CNTNAP5: variants seen among roughly 807,000 people sequenced by gnomAD.
CNTNAP5 encodes contactin-associated protein-like 5.
In CNTNAP5, 72 loss-of-function variants were observed where a neutral mutation model predicts 150.2. The ratio of observed to expected loss-of-function variants is 0.48; its 90% confidence interval spans 0.40 to 0.58. The LOEUF (loss-of-function observed/expected upper bound fraction) is 0.58. Ranked by LOEUF, CNTNAP5 falls within the 20% of genes least tolerant of loss-of-function variation. The probability of loss-of-function intolerance (pLI) is 0.00; values close to 1 mark genes in which losing one functional copy is unlikely to be tolerated. For synonymous variants in CNTNAP5, 672 were observed against 619.8 expected (o/e 1.08, Z -1.25); for missense variants, 1,636 against 1,626.2 (o/e 1.01, Z -0.10).
At chr2:124,162,293 T>C (rs987629759) in intron 1 of CNTNAP5, among the ~76,000 whole-genome samples, 4 of 152,214 alleles carry the variant, frequency 2.6e-5, no homozygotes, top group Non-Finnish European at 4.4e-5. Flanking sequence ...ATTTAATTTA[T>C]GACAGAGATT....
chr2:124,294,355 GA>G (rs1226227393), intron 3 of CNTNAP5, among the ~76,000 whole-genome samples: 4 of 151,974 alleles, frequency 2.6e-5, no homozygotes, highest in African/African-American at 9.7e-5. Context: ...AGTAAAACAG[GA>G]ATTTTTTTTT....
At chr2:124,706,916 GAGAAGA>G (rs796272013) in intron 13 of CNTNAP5, among the ~76,000 whole-genome samples, 1 of 30,006 alleles carries the variant, frequency 3.3e-5, no homozygotes, top group Non-Finnish European at 7.1e-5. Flanking sequence ...GGAGGAGGAG[GAGAAGA>G]AGAAGAAGAA....
Position 124,395,673 on chromosome 2 carries a change from A to G in CNTNAP5, c.382-21770A>G, listed in dbSNP as rs80089828. On this transcript the variant is annotated intron_variant, in intron 3 of 23. Coordinates refer to ENST00000682447, the MANE Select transcript of CNTNAP5 (RefSeq NM_001367498.1). ...CTTCATGCTAGAACTGTTCTAAGCA[A>G]TATCTAAACACTATGTCCATGTATA... Among the ~76,000 whole-genome samples the G allele has an allele frequency of 6.5e-3, 988 of 152,232 alleles. 10 individuals are homozygous for G. Among genetic ancestry groups the G allele is most frequent in the African/African-American group, 0.023 (945 of 41,536 alleles).
At chr2:124,827,333 A>G (rs908977373) in intron 19 of CNTNAP5, among the ~76,000 whole-genome samples, 1 of 152,104 alleles carries the variant, frequency 6.6e-6, no homozygotes, top group African/African-American at 2.4e-5. Flanking sequence ...TTCAGGATGG[A>G]TTCCCCTCAA....
chr2:124,829,497 C>T (rs948056730), intron 19 of CNTNAP5, among the ~76,000 whole-genome samples: 7 of 151,878 alleles, frequency 4.6e-5, no homozygotes, highest in African/African-American at 1.7e-4. Context: ...TGACATTTCC[C>T]TGCACCTAAC....
At chr2:124,804,968 G>A (rs2602642) in intron 19 of CNTNAP5, among the ~76,000 whole-genome samples, 101,757 of 152,052 alleles carry the variant, frequency 0.67, 34,363 homozygotes, top group East Asian at 0.85. Context: ...GCTAGAATTT[G>A]GGGAATTTGG....
intron 1 of CNTNAP5, among the ~76,000 whole-genome samples, chr2:124,042,357 C>T (rs1041288841): frequency 1.3e-5 from 2 of 152,108 alleles, no homozygotes; most frequent in Non-Finnish European, 2.9e-5. Context: ...TTGTGAATAA[C>T]ATGAGATAAA....
At chr2:124,438,897 A>C (rs1453488887) in intron 5 of CNTNAP5, among the ~76,000 whole-genome samples, 1 of 152,222 alleles carries the variant, frequency 6.6e-6, no homozygotes, top group Non-Finnish European at 1.5e-5. Context: ...ACCCATTTAC[A>C]GATGAAGAAC....
chr2:124,083,014 A>G (rs554875653), intron 1 of CNTNAP5, among the ~76,000 whole-genome samples: 4 of 152,294 alleles, frequency 2.6e-5, no homozygotes, highest in Admixed American at 2.0e-4. Context: ...TTTAAGAGTT[A>G]TATATACTGG....
At position 124,914,580 on chromosome 2, in the gene CNTNAP5, C is replaced by A; in HGVS notation, c.*292C>A. ...ACACATGTGTGCACTCCTGCATGTTCAGTTCTGTACTTCCAGTTTCTAAAA... is the reference window on the plus strand; with the variant it reads ...ACACATGTGTGCACTCCTGCATGTTAAGTTCTGTACTTCCAGTTTCTAAAA... On this transcript the variant is annotated 3_prime_UTR_variant, in exon 24 of 24. Transcript: ENST00000682447. 3.7e-6 allele frequency: 1 copy of A among 273,968 alleles called. No individual in the cohort carries two copies. Among genetic ancestry groups the A allele is most frequent in the Non-Finnish European group, 7.0e-6 (1 of 143,694 alleles). 17.0% of individuals were successfully genotyped at this position (273,968 alleles called of 1,614,324 possible).
chr2:124,347,828 A>ATTT (rs11431857), intron 3 of CNTNAP5, among the ~76,000 whole-genome samples: 2 of 146,186 alleles, frequency 1.4e-5, no homozygotes, highest in Non-Finnish European at 3.0e-5. Context: ...CTCCTTGACA[A>ATTT]TTTTTTTTTT....
At chr2:124,204,022 G>A (rs932503681) in intron 1 of CNTNAP5, among the ~76,000 whole-genome samples, 3 of 152,180 alleles carry the variant, frequency 2.0e-5, no homozygotes, top group African/African-American at 7.2e-5. Flanking sequence ...AATTTTCTGA[G>A]CTTTTATGCT....
At chr2:124,147,937 C>T (rs944841838) in intron 1 of CNTNAP5, among the ~76,000 whole-genome samples, 1 of 152,160 alleles carries the variant, frequency 6.6e-6, no homozygotes, top group African/African-American at 2.4e-5. Context: ...TAAAGCCGGC[C>T]GTTAGCCTTT....
intron 3 of CNTNAP5, among the ~76,000 whole-genome samples, chr2:124,415,421 T>C (rs567594226): frequency 6.6e-6 from 1 of 152,352 alleles, no homozygotes; most frequent in Admixed American, 6.5e-5. Context: ...GTTTTGTGCG[T>C]AGTAGAAATG....
At chr2:124,680,123 A>G (rs1302910518) in intron 13 of CNTNAP5, among the ~76,000 whole-genome samples, 1 of 151,754 alleles carries the variant, frequency 6.6e-6, no homozygotes, top group African/African-American at 2.4e-5. Context: ...GATTCCCTCA[A>G]AAGTTCTTTG....
chr2:124,705,876 G>C (rs1028859670), intron 13 of CNTNAP5, among the ~76,000 whole-genome samples: 1 of 152,058 alleles, frequency 6.6e-6, no homozygotes. Flanking sequence ...TTAACCCTTG[G>C]TTCATCATGC....
intron 1 of CNTNAP5, among the ~76,000 whole-genome samples, chr2:124,198,095 G>T (rs1453418754): frequency 6.6e-6 from 1 of 151,840 alleles, no homozygotes; most frequent in African/African-American, 2.4e-5. Context: ...TTGTCAATAT[G>T]GGGGGTGTGA....
intron 1 of CNTNAP5, among the ~76,000 whole-genome samples, chr2:124,117,078 C>T (rs1167440999): frequency 6.6e-6 from 1 of 152,242 alleles, no homozygotes; most frequent in African/African-American, 2.4e-5. Flanking sequence ...GTAGCACACA[C>T]TGATATTGTC....
chr2:124,646,125 G>A (rs1332704264), intron 12 of CNTNAP5, among the ~76,000 whole-genome samples: 1 of 152,116 alleles, frequency 6.6e-6, no homozygotes, highest in Non-Finnish European at 1.5e-5. Context: ...TTATAGAATT[G>A]GAAAATCCTT....
Sources: gnomAD v4.1 joint callset for allele counts (sites outside exome capture counted in the v4.1 genomes callset) on GRCh38, gnomAD v4.1.1 for gene constraint, MANE v1.5 for transcripts, NCBI Gene and HGNC (gene_info 2026-07-23, HGNC 2026-07-21) for gene names.